GNPTAB: variants seen among roughly 807,000 people sequenced by gnomAD.
The protein encoded by GNPTAB is N-acetylglucosamine-1-phosphotransferase subunits alpha/beta.
GNPTAB carries 92 observed loss-of-function variants against 136.6 expected under a neutral mutation model. The observed-to-expected ratio is 0.67, with a 90% CI of 0.57 to 0.80. The LOEUF is 0.80. Ranked by LOEUF, GNPTAB falls within the 30% of genes least tolerant of loss-of-function variation. The pLI is 0.00. For missense variants in GNPTAB, 1,343 were observed against 1,501.8 expected, an observed-to-expected ratio of 0.89 and a Z score of 1.75; for synonymous variants, 512 against 535.1, an observed-to-expected ratio of 0.96 and a Z score of 0.60.
At chr12:101,809,326 A>G (rs544401458) in intron 1 of GNPTAB, among the ~76,000 whole-genome samples, 2 of 152,346 alleles carry the variant, frequency 1.3e-5, no homozygotes, top group Non-Finnish European at 2.9e-5. Flanking sequence ...ATTCTCATTG[A>G]TTGCTGGTGG....
In GNPTAB at chr12:101,775,979, T is replaced by C. The variant is rs147718040; in HGVS notation, c.771+4173A>G. ...AAGAACCCAGTGCAGCCTCTTTCTCTTTGAAAACTTCCCCCATGTCTCTGA... is the reference window on the plus strand; with the variant it reads ...AAGAACCCAGTGCAGCCTCTTTCTCCTTGAAAACTTCCCCCATGTCTCTGA... On this transcript the variant is annotated intron_variant, in intron 7 of 20. Coordinates refer to ENST00000299314, the MANE Select transcript of GNPTAB (RefSeq NM_024312.5). Among the ~76,000 whole-genome samples, 12 of 152,260 alleles carry C rather than the reference T, an allele frequency of 7.9e-5. No individual in the cohort carries two copies. In the East Asian group the frequency reaches 9.6e-4, roughly 12 times the overall value.
chr12:101,771,079 T>C lies in GNPTAB; in HGVS notation c.850A>G (p.Thr284Ala). The change falls in exon 8 of 21, where the codon ACT becomes GCT. Residue 284 changes from threonine to alanine, a missense_variant. Transcript: ENST00000299314. ...PKDFQELNKQ[T>A]KKNMTIDGKE... ...CCATCAATGGTCATGTTCTTCTTAGTTTGCTTATTCAATTCTTGAAAATCC... is the reference window on the plus strand; with the variant it reads ...CCATCAATGGTCATGTTCTTCTTAGCTTGCTTATTCAATTCTTGAAAATCC... 6.2e-7 allele frequency: 1 copy of C among 1,613,950 alleles called. No individual in the cohort carries two copies. Among genetic ancestry groups the C allele is most frequent in the African/African-American group, 1.3e-5 (1 of 75,048 alleles).
intron 1 of GNPTAB, among the ~76,000 whole-genome samples, chr12:101,812,982 G>A (rs1265185341): frequency 7.2e-6 from 1 of 137,980 alleles, no homozygotes; most frequent in Non-Finnish European, 1.6e-5. Flanking sequence ...TGTTTTTTGT[G>A]TGTGTTTTTT....
At chr12:101,790,275 T>C (rs1452749703) in intron 2 of GNPTAB, among the ~76,000 whole-genome samples, 2 of 152,210 alleles carry the variant, frequency 1.3e-5, no homozygotes, top group Non-Finnish European at 2.9e-5. Flanking sequence ...TGCTAGACAC[T>C]TAGGTAATTT....
intron 20 of GNPTAB, 115 bp downstream of exon 20, chr12:101,748,986 G>T: frequency 1.4e-6 from 1 of 712,388 alleles, no homozygotes. Context: ...TGAGCTATAA[G>T]ACAATAAGAG....
intron 2 of GNPTAB, among the ~76,000 whole-genome samples, chr12:101,794,149 A>G (rs1193165265): frequency 6.6e-6 from 1 of 152,160 alleles, no homozygotes; most frequent in Non-Finnish European, 1.5e-5. Flanking sequence ...GGCCTTCAAT[A>G]GTATTTTAGA....
chr12:101,790,297 T>C (rs972897068), intron 2 of GNPTAB, among the ~76,000 whole-genome samples: 30 of 152,320 alleles, frequency 2.0e-4, no homozygotes, highest in Admixed American at 1.0e-3. Flanking sequence ...CATCACCTGA[T>C]GCACACAGCC....
At chr12:101,751,256 T>C (rs907054747) in intron 19 of GNPTAB, among the ~76,000 whole-genome samples, 3 of 152,236 alleles carry the variant, frequency 2.0e-5, no homozygotes, top group African/African-American at 7.2e-5. Context: ...GTCATTTTCA[T>C]AATTCAAAAT....
intron 1 of GNPTAB, among the ~76,000 whole-genome samples, chr12:101,817,682 T>C (rs891949767): frequency 3.3e-5 from 5 of 152,146 alleles, no homozygotes; most frequent in African/African-American, 1.2e-4. Flanking sequence ...TTTAAATAGC[T>C]AGCCAAGGTG....
In GNPTAB at chr12:101,801,539, C is replaced by CAAAAAA. The variant is rs36066248; in HGVS notation, c.118-4783_118-4778dup. The stretch of plus-strand genomic sequence containing the variant: ...TGGGTGACAGAAAGAGACCCTGTCT[C>CAAAAAA]AAAAAAAAAAAAAAAAAAAAAAAAA... On this transcript the variant is annotated intron_variant, in intron 1 of 20. Coordinates refer to ENST00000299314, the MANE Select transcript of GNPTAB (RefSeq NM_024312.5). Among the ~76,000 whole-genome samples, 361 of 42,536 alleles carry CAAAAAA rather than the reference C, an allele frequency of 8.5e-3. 25 individuals carry two copies. The highest frequency in any genetic ancestry group is 0.013 in the Non-Finnish European group (248 of 18,802). 27.9% of individuals were successfully genotyped at this position (42,536 alleles called of 152,430 possible).
In GNPTAB at chr12:101,830,532, G is replaced by C. The variant is rs370143665; in HGVS notation, c.117+27C>G. 7.7e-4 allele frequency: 1,064 copies of C among 1,390,822 alleles called. 10 individuals are homozygous for C. The highest frequency in any genetic ancestry group is 6.0e-3 in the South Asian group (518 of 85,798). The allele number at this position is 1,390,822 out of a possible 1,614,324, so 86.2% of individuals were successfully genotyped here. A position where few individuals can be genotyped will look rare whatever the true frequency, so the allele number is the denominator to read the frequency against. Reference sequence around the variant, plus strand: ...AGGGCAGTGCAGGGTCGAGGCGCCCGGTCCAGGCTGCGGCGCCGCTACTCA... The same window carrying C: ...AGGGCAGTGCAGGGTCGAGGCGCCCCGTCCAGGCTGCGGCGCCGCTACTCA... On this transcript the variant is annotated intron_variant, in intron 1 of 20. Coordinates refer to ENST00000299314, the MANE Select transcript of GNPTAB (RefSeq NM_024312.5).
In GNPTAB at chr12:101,802,199, T is replaced by TA. The variant is rs112485347; in HGVS notation, c.118-5438dup. ...GATGACAGAGCAAGACCCTGTCTCT[T>TA]AAAAAAAAAAAAAAAAAAGAAAAGA... On this transcript the variant is annotated intron_variant, in intron 1 of 20. Coordinates refer to ENST00000299314, the MANE Select transcript of GNPTAB (RefSeq NM_024312.5). 8.1e-3 allele frequency among the ~76,000 whole-genome samples: 881 copies of TA among 108,102 alleles called. 13 individuals are homozygous for TA. Among genetic ancestry groups the TA allele is most frequent in the East Asian group, 0.062 (248 of 3,980 alleles). The allele number at this position is 108,102 out of a possible 152,430, so 70.9% of individuals were successfully genotyped here.
intron 1 of GNPTAB, among the ~76,000 whole-genome samples, chr12:101,805,072 CAT>C (rs1164770155): frequency 6.8e-6 from 1 of 146,292 alleles, no homozygotes; most frequent in Non-Finnish European, 1.5e-5. Flanking sequence ...TAAAATATAT[CAT>C]GTGAAAAAAA....
intron 1 of GNPTAB, among the ~76,000 whole-genome samples, chr12:101,817,666 T>C (rs1870574926): frequency 1.3e-5 from 2 of 152,084 alleles, no homozygotes; most frequent in Admixed American, 1.3e-4. Flanking sequence ...TTAAAGTAAT[T>C]AATTTTTTAA....
intron 17 of GNPTAB, 95 bp downstream of exon 17, chr12:101,757,477 G>A (rs1952918760): frequency 9.9e-6 from 8 of 809,080 alleles, no homozygotes; most frequent in Non-Finnish European, 1.3e-5. Context: ...TTTTAGAACA[G>A]TGCTTAATAG....
At chr12:101,768,570 G>GT (rs1953128065) in intron 10 of GNPTAB, among the ~76,000 whole-genome samples, 3 of 152,160 alleles carry the variant, frequency 2.0e-5, no homozygotes. Context: ...GCTCATTAGT[G>GT]TATTTGTGCA....
chr12:101,796,714 A>G lies in GNPTAB; in HGVS notation c.166T>C (p.Tyr56His), dbSNP rs1162900989. ...RDQYHVLFDS[Y>H]RDNIAGKSFQ... is the part of the protein sequence containing the mutation. ...GACTTTCCAGCAATATTGTCTCTAT[A>G]GGAATCAAACAAAACATGGTATTGA... Residue 56 changes from tyrosine (Y) to histidine (H), a missense_variant, in exon 2 of 21, where the codon TAT becomes CAT. By Grantham distance (83) the Tyr-to-His change is moderately conservative. Transcript: ENST00000299314. 3.7e-6 allele frequency: 6 copies of G among 1,612,836 alleles called. No individual in the cohort carries two copies. The highest frequency in any genetic ancestry group is 2.2e-5 in the East Asian group (1 of 44,864).
Position 101,761,063 on chromosome 12 carries a change from C to A in GNPTAB, c.3135+64G>T, listed in dbSNP as rs1215110299. 2.4e-6 allele frequency: 3 copies of A among 1,253,462 alleles called. No individual in the cohort carries two copies. The East Asian group carries it at 7.4e-5, about 31-fold the overall frequency. 77.6% of individuals were successfully genotyped at this position (1,253,462 alleles called of 1,614,324 possible). A position where few individuals can be genotyped will look rare whatever the true frequency, so the allele number is the denominator to read the frequency against. On this transcript the variant is annotated intron_variant, in intron 15 of 20. Transcript: ENST00000299314. ...CTGGGATTACAGGTGTGAGCCACTG[C>A]GCCTGACCAGAATTAAATTCTCATT... is the stretch of plus-strand genomic sequence containing the variant.
At chr12:101,812,973 G>A (rs1870316040) in intron 1 of GNPTAB, among the ~76,000 whole-genome samples, 3 of 144,502 alleles carry the variant, frequency 2.1e-5, no homozygotes, top group Admixed American at 1.4e-4. Flanking sequence ...CCAGCTAAGT[G>A]TTTTTTGTGT....
Sources: gnomAD v4.1 joint callset for allele counts (sites outside exome capture counted in the v4.1 genomes callset) on GRCh38, gnomAD v4.1.1 for gene constraint, MANE v1.5 for transcripts, NCBI Gene and HGNC (gene_info 2026-07-23, HGNC 2026-07-21) for gene names.